IQSEC3: variants seen among roughly 807,000 people sequenced by gnomAD.
IQSEC3 encodes the protein IQ motif and Sec7 domain ArfGEF 3, also known as IQ motif and SEC7 domain-containing protein 3.
A neutral mutation model predicts 105.4 loss-of-function variants in IQSEC3; 50 were observed. That is an observed-to-expected ratio of 0.47 (90% confidence interval 0.38 to 0.60). IQSEC3 has a LOEUF of 0.60. Ranked by LOEUF, IQSEC3 falls within the 20% of genes least tolerant of loss-of-function variation. The pLI is 0.00. For missense variants in IQSEC3, 1,415 were observed against 1,630.0 expected (o/e 0.87, Z 2.27); for synonymous variants, 708 against 746.0 (o/e 0.95, Z 0.83).
intron 1 of IQSEC3, among the ~76,000 whole-genome samples, chr12:87,932 G>A (rs533863714): frequency 2.6e-5 from 4 of 152,214 alleles, no homozygotes; most frequent in South Asian, 2.1e-4. Context: ...TGTTGTATAC[G>A]TGCGGTTAGG....
At chr12:77,250 C>T (rs1555069433) in intron 1 of IQSEC3, 1 of 168,316 alleles carries the variant, frequency 5.9e-6, no homozygotes, top group Non-Finnish European at 1.2e-5. Context: ...GGTAGAGGCA[C>T]TGCGCTGGGC....
intron 2 of IQSEC3, among the ~76,000 whole-genome samples, chr12:102,462 T>C (rs1488427301): frequency 1.3e-5 from 2 of 152,122 alleles, no homozygotes; most frequent in Non-Finnish European, 2.9e-5. Flanking sequence ...TGAGCAAGGG[T>C]CCCTTTCCTG....
chr12:150,816 C>T (rs1866478014), intron 5 of IQSEC3, among the ~76,000 whole-genome samples: 1 of 152,174 alleles, frequency 6.6e-6, no homozygotes. Context: ...AACGAGGGCT[C>T]AAGGCAGGGT....
chr12:169,916 C>G (rs554875512), intron 12 of IQSEC3, among the ~76,000 whole-genome samples: 69 of 152,338 alleles, frequency 4.5e-4, no homozygotes, highest in African/African-American at 1.5e-3. Context: ...TGGCTGCTGC[C>G]CTGTGCAGAA....
chr12:154,836 C>G (rs1866631841), intron 5 of IQSEC3, among the ~76,000 whole-genome samples: 1 of 148,598 alleles, frequency 6.7e-6, no homozygotes, highest in Non-Finnish European at 1.5e-5. Flanking sequence ...TTTGCGATCT[C>G]TCTCCTGCCT....
chr12:100,633 A>G (rs1864394342), intron 2 of IQSEC3, among the ~76,000 whole-genome samples: 1 of 152,074 alleles, frequency 6.6e-6, no homozygotes, highest in Non-Finnish European at 1.5e-5. Context: ...GAAGCCAACC[A>G]TGTTGGAGAT....
At chr12:161,333 G>C (rs1555096143) in intron 7 of IQSEC3, among the ~76,000 whole-genome samples, 1 of 152,124 alleles carries the variant, frequency 6.6e-6, no homozygotes, top group Non-Finnish European at 1.5e-5. Context: ...TGTTGCCCGA[G>C]TTTTATCATT....
At chr12:156,906 G>A (rs1260655164) in intron 5 of IQSEC3, 119 bp from the exon 6 acceptor site, 26 of 1,256,302 alleles carry the variant, frequency 2.1e-5, no homozygotes, top group Middle Eastern at 4.0e-4. Context: ...CGACCCCCGG[G>A]GGTGAGTAGC....
intron 5 of IQSEC3, 85 bp downstream of exon 5, chr12:141,370 C>T (rs1489408590): frequency 2.8e-6 from 4 of 1,418,638 alleles, no homozygotes; most frequent in East Asian, 4.7e-5. Flanking sequence ...TTGGTGAAAT[C>T]CTCGCTCCAG....
At chr12:102,163 T>TCCCCGTCAGTCTGGCTCCTC (rs1480070993) in intron 2 of IQSEC3, among the ~76,000 whole-genome samples, 2 of 78,114 alleles carry the variant, frequency 2.6e-5, no homozygotes, top group African/African-American at 5.1e-5. Context: ...GTCTGGCTCC[T>TCCCCGTCAGTCTGGCTCCTC]CCCCGTCAGT....
Position 109,400 on chromosome 12 carries a change from G to A in IQSEC3, c.623+10186G>A, listed in dbSNP as rs115966557. ...TCGGATCTTCCTTATGTAGCCCCCC[G>A]GCCTCTCTGCAGCCTTACTGACGGC... On this transcript the variant is annotated intron_variant, in intron 2 of 13. Transcript: ENST00000538872. 4.3e-3 allele frequency among the ~76,000 whole-genome samples: 659 copies of A among 151,988 alleles called. 2 individuals are homozygous for A. Among genetic ancestry groups the A allele is most frequent in the African/African-American group, 0.015 (633 of 41,312 alleles).
Position 163,589 on chromosome 12 carries a change from G to GAACACCTCCCTCT in IQSEC3, c.2679_2680insAACACCTCCCTCT (p.Glu894AsnfsTer5). On this transcript the variant is annotated frameshift_variant, in exon 9 of 14. Coordinates refer to ENST00000538872, the MANE Select transcript of IQSEC3 (RefSeq NM_001170738.2). LOFTEE classifies it high-confidence loss of function. ...TGCAGAAGCAGGCAGCGCATCAGAG[G>GAACACCTCCCTCT]GAGGTGTTCCTCTTCAATGACCTGC... 4 of 1,587,548 alleles carry GAACACCTCCCTCT rather than the reference G, an allele frequency of 2.5e-6. No homozygotes were observed. Among genetic ancestry groups the GAACACCTCCCTCT allele is most frequent in the South Asian group, 1.1e-5 (1 of 90,550 alleles).
intron 1 of IQSEC3, among the ~76,000 whole-genome samples, chr12:71,766 C>T: frequency 6.6e-6 from 1 of 152,384 alleles, no homozygotes; most frequent in Non-Finnish European, 1.5e-5. Context: ...GCCCAGAAGG[C>T]CTGGTTGCTG....
chr12:86,514 T>G (rs1204647592), intron 1 of IQSEC3, among the ~76,000 whole-genome samples: 2 of 152,196 alleles, frequency 1.3e-5, no homozygotes, highest in Non-Finnish European at 2.9e-5. Context: ...GTTAGCTCAT[T>G]TGCTCATCAC....
At chr12:126,955 A>C (rs1334152386) in intron 3 of IQSEC3, among the ~76,000 whole-genome samples, 1 of 152,210 alleles carries the variant, frequency 6.6e-6, no homozygotes, top group African/African-American at 2.4e-5. Flanking sequence ...CACATCAGTA[A>C]AGTGTTTGAC....
chr12:100,542 CG>C (rs1352402350), intron 2 of IQSEC3, among the ~76,000 whole-genome samples: 1 of 152,122 alleles, frequency 6.6e-6, no homozygotes, highest in African/African-American at 2.4e-5. Flanking sequence ...GAGAAAGAGG[CG>C]GGGCTCTGAG....
chr12:157,879 C>G (rs1445987879), intron 7 of IQSEC3, among the ~76,000 whole-genome samples, 185 bp downstream of exon 7: 2 of 152,254 alleles, frequency 1.3e-5, no homozygotes, highest in African/African-American at 4.8e-5. Context: ...CGGCATGCAG[C>G]CTGCCACCGC....
intron 2 of IQSEC3, among the ~76,000 whole-genome samples, chr12:120,429 G>T (rs1282130432): frequency 1.3e-5 from 2 of 152,186 alleles, no homozygotes; most frequent in Non-Finnish European, 2.9e-5. Context: ...GATTGGGAAT[G>T]GACTTTATCC....
At chr12:112,869 T>C (rs1340029462) in intron 2 of IQSEC3, among the ~76,000 whole-genome samples, 2 of 152,154 alleles carry the variant, frequency 1.3e-5, no homozygotes, top group African/African-American at 4.8e-5. Context: ...TGCACTGTTT[T>C]TTTTCCTACA....
Sources: allele counts gnomAD v4.1 joint callset (sites outside exome capture counted in the v4.1 genomes callset), GRCh38; gene constraint gnomAD v4.1.1; transcripts MANE v1.5; gene names NCBI Gene and HGNC (gene_info 2026-07-23, HGNC 2026-07-21).